The following DAB1 variants were observed in gnomAD, a reference collection of about 807,000 sequenced individuals.
DAB1 encodes the protein disabled homolog 1.
DAB1 carries 15 observed loss-of-function variants against 64.6 expected under a neutral mutation model. The ratio of observed to expected loss-of-function variants is 0.23; its 90% confidence interval spans 0.16 to 0.36. The LOEUF is 0.36. Among genes scored for constraint, DAB1 ranks in the 10% least tolerant of loss-of-function variants. The pLI is 1.00. For synonymous variants in DAB1, 235 were observed against 251.9 expected, an observed-to-expected ratio of 0.93 and a Z score of 0.64; for missense variants, 596 against 706.7, an observed-to-expected ratio of 0.84 and a Z score of 1.78.
At chr1:58,023,436 G>A (rs1646843158) in intron 5 of DAB1, among the ~76,000 whole-genome samples, 1 of 152,132 alleles carries the variant, frequency 6.6e-6, no homozygotes, top group African/African-American at 2.4e-5. Flanking sequence ...TTCCAGATCA[G>A]AAGAATCAGG....
chr1:57,058,860 G>T (rs1178001090), intron 9 of DAB1, among the ~76,000 whole-genome samples: 10 of 152,232 alleles, frequency 6.6e-5, no homozygotes, highest in Non-Finnish European at 1.0e-4. Flanking sequence ...TATGCTAGGT[G>T]CTGAAATTGC....
chr1:57,203,050 G>T (rs1031283227), intron 2 of DAB1, among the ~76,000 whole-genome samples: 5 of 152,202 alleles, frequency 3.3e-5, no homozygotes, highest in African/African-American at 4.8e-5. Context: ...GAGTTAGGCA[G>T]ATGACATGTG....
chr1:57,199,917 C>T (rs197614), intron 2 of DAB1, among the ~76,000 whole-genome samples: 1 of 151,848 alleles, frequency 6.6e-6, no homozygotes, highest in African/African-American at 2.4e-5. Flanking sequence ...AGCCTATGGA[C>T]GGGCCAAATG....
intron 2 of DAB1, among the ~76,000 whole-genome samples, chr1:57,278,455 A>T (rs987607334): frequency 2.0e-5 from 3 of 152,242 alleles, no homozygotes; most frequent in Non-Finnish European, 4.4e-5. Context: ...TCAGCTGAAC[A>T]CACAATATAG....
At chr1:57,159,777 T>G (rs1215717616) in intron 2 of DAB1, among the ~76,000 whole-genome samples, 1 of 145,808 alleles carries the variant, frequency 6.9e-6, no homozygotes, top group African/African-American at 2.6e-5. Context: ...CTCCCAGCAA[T>G]TTTTCCAGAC....
rs953164648 is a variant in DAB1, at chr1:58,355,778, G to T, written n.258-12375C>A. On this transcript the variant is annotated intron_variant and non_coding_transcript_variant, in intron 3 of 20. Coordinates refer to the DAB1 transcript ENST00000485760. ...TTCCCTCTTTTCTTGACTAACTTTA[G>T]CTGCCATTCATACCTCCTGTGTTAT... Among the ~76,000 whole-genome samples, 18 of 152,200 alleles carry T rather than the reference G, an allele frequency of 1.2e-4. 1 individual carries two copies. Among genetic ancestry groups the T allele is most frequent in the Admixed American group, 5.9e-4 (9 of 15,274 alleles).
At chr1:57,285,008 C>T (rs1248459949) in intron 2 of DAB1, among the ~76,000 whole-genome samples, 2 of 152,180 alleles carry the variant, frequency 1.3e-5, no homozygotes, top group African/African-American at 4.8e-5. Flanking sequence ...AGCCAAAATT[C>T]TCCTGGGAGA....
chr1:57,400,003 C>T (rs1039363243), intron 1 of DAB1, among the ~76,000 whole-genome samples: 20 of 152,184 alleles, frequency 1.3e-4, no homozygotes, highest in African/African-American at 4.8e-4. Context: ...GAATGGCCAC[C>T]TATGCCCAGC....
At chr1:57,452,161 C>CG (rs1208127269) in intron 7 of DAB1, among the ~76,000 whole-genome samples, 4 of 99,480 alleles carry the variant, frequency 4.0e-5, no homozygotes, top group South Asian at 3.8e-4. Flanking sequence ...CTCTCTGCAC[C>CG]CCCCCTTTTT....
intron 1 of DAB1, among the ~76,000 whole-genome samples, chr1:57,392,774 A>G (rs190360146): frequency 2.6e-5 from 4 of 152,202 alleles, no homozygotes; most frequent in Non-Finnish European, 5.9e-5. Context: ...AAATAGCCAG[A>G]AGATCAACGT....
chr1:57,781,126 C>CTCTCTCTCTCTATATATA (rs1557477160), intron 6 of DAB1, among the ~76,000 whole-genome samples: 2 of 27,714 alleles, frequency 7.2e-5, no homozygotes, highest in Non-Finnish European at 1.3e-4. Flanking sequence ...CTCTCTCTCT[C>CTCTCTCTCTCTATATATA]TATATATATA....
intron 4 of DAB1, among the ~76,000 whole-genome samples, chr1:58,224,999 G>C (rs1261492377): frequency 2.0e-5 from 3 of 152,144 alleles, no homozygotes; most frequent in African/African-American, 7.2e-5. Flanking sequence ...CACAGCAAAA[G>C]AAACTACCAT....
At chr1:57,027,082 C>T (rs977845116) in intron 9 of DAB1, among the ~76,000 whole-genome samples, 3 of 152,132 alleles carry the variant, frequency 2.0e-5, no homozygotes, top group Non-Finnish European at 2.9e-5. Flanking sequence ...ACACAGGACT[C>T]CTGCACTCAA....
intron 2 of DAB1, among the ~76,000 whole-genome samples, chr1:57,265,565 A>G (rs1051774401): frequency 1.3e-5 from 2 of 152,218 alleles, no homozygotes; most frequent in East Asian, 1.9e-4. Flanking sequence ...TTCAGAACTT[A>G]CAAAACACTA....
At position 57,701,927 on chromosome 1, in the gene DAB1, T is replaced by C. The variant is rs115582782; in HGVS notation, n.552-52262A>G. On this transcript the variant is annotated intron_variant and non_coding_transcript_variant, in intron 6 of 20. Transcript: ENST00000485760. Reference sequence around the variant, plus strand: ...TTTATTTCTGCACTATCTTGGAATTTGCTATTTCCTTAAAACTGCTATTTT... The same window carrying C: ...TTTATTTCTGCACTATCTTGGAATTCGCTATTTCCTTAAAACTGCTATTTT... Among the ~76,000 whole-genome samples, 1,208 of 152,256 alleles carry C rather than the reference T, an allele frequency of 7.9e-3. 17 individuals carry two copies. The highest frequency in any genetic ancestry group is 0.028 in the African/African-American group (1,159 of 41,538).
At chr1:57,154,758 T>G (rs1320763778) in intron 2 of DAB1, among the ~76,000 whole-genome samples, 1 of 152,258 alleles carries the variant, frequency 6.6e-6, no homozygotes, top group Non-Finnish European at 1.5e-5. Context: ...AGATGATATC[T>G]CATTGTAGTT....
intron 5 of DAB1, among the ~76,000 whole-genome samples, chr1:58,088,616 T>C (rs1275181790): frequency 6.6e-6 from 1 of 152,266 alleles, no homozygotes; most frequent in East Asian, 1.9e-4. Context: ...CTACTAGGTA[T>C]GAAGGGAAAT....
chr1:57,539,905 G>T (rs1331331354), intron 7 of DAB1, among the ~76,000 whole-genome samples: 3 of 152,126 alleles, frequency 2.0e-5, no homozygotes, highest in African/African-American at 4.8e-5. Context: ...AACCCAAACA[G>T]ATGAGGGCCA....
intron 9 of DAB1, among the ~76,000 whole-genome samples, chr1:57,038,383 A>G (rs1647290050): frequency 6.6e-6 from 1 of 152,226 alleles, no homozygotes; most frequent in South Asian, 2.1e-4. Context: ...CATGTTTCAA[A>G]TGGAAATCCA....
Sources: allele counts gnomAD v4.1 joint callset (sites outside exome capture counted in the v4.1 genomes callset), GRCh38; gene constraint gnomAD v4.1.1; transcripts MANE v1.5; gene names NCBI Gene and HGNC (gene_info 2026-07-23, HGNC 2026-07-21).